The following TIMELESS variants were observed in gnomAD, a reference collection of about 807,000 sequenced individuals.
TIMELESS encodes the protein timeless circadian regulator.
Under a neutral mutation model 164.3 loss-of-function variants are expected in TIMELESS, and 124 were observed. That is an observed-to-expected ratio of 0.75 (90% CI 0.65 to 0.88). The LOEUF is 0.88. TIMELESS is among the 40% of genes least tolerant of loss of function. TIMELESS has a pLI of 0.00. For missense variants in TIMELESS, 1,422 were observed against 1,491.4 expected (o/e 0.95, Z 0.77); for synonymous variants, 564 against 563.4 (o/e 1.00, Z -0.02).
rs752991063 is a variant in TIMELESS, at chr12:56,428,341, C to T, written c.1473G>A (p.Glu491=). Residue 491 remains glutamate (E), a synonymous_variant, in exon 13 of 29, where the codon GAG becomes GAA. Coordinates refer to ENST00000553532, the MANE Select transcript of TIMELESS (RefSeq NM_003920.5). ...GAAGGAAAGAGCGGGGCTGGCATCT[C>T]TCATCAAACTTTCGAAAAAGTGCCA... ...LFLALFRKFD[E]RCQPRSFLRD... is the part of the protein sequence containing the mutation. 1 of 1,613,500 alleles carries T rather than the reference C, an allele frequency of 6.2e-7. No homozygotes were observed. The highest frequency in any genetic ancestry group is 8.5e-7 in the Non-Finnish European group (1 of 1,179,486).
intron 15 of TIMELESS, among the ~76,000 whole-genome samples, chr12:56,424,316 T>C (rs984970682): frequency 2.6e-5 from 4 of 152,242 alleles, no homozygotes; most frequent in Non-Finnish European, 4.4e-5. Flanking sequence ...AAAAAACCTC[T>C]GGATGGTTAC....
intron 1 of TIMELESS, among the ~76,000 whole-genome samples, chr12:56,444,863 G>A (rs921889491): frequency 2.0e-5 from 3 of 151,336 alleles, no homozygotes; most frequent in Admixed American, 6.6e-5. Context: ...GCCTGATTGG[G>A]CAAACTCACC....
chr12:56,430,581 G>T, intron 9 of TIMELESS, among the ~76,000 whole-genome samples: 1 of 151,840 alleles, frequency 6.6e-6, no homozygotes, highest in Admixed American at 6.6e-5. Context: ...TGCCCAGGCT[G>T]GTCTCGAACT....
In TIMELESS at chr12:56,417,468, G is replaced by A. The variant is rs1476750713; in HGVS notation, c.*248C>T. 6.4e-6 allele frequency: 3 copies of A among 469,690 alleles called. No individual in the cohort carries two copies. Among genetic ancestry groups the A allele is most frequent in the Non-Finnish European group, 1.1e-5 (3 of 262,852 alleles). 29.1% of individuals were successfully genotyped at this position (469,690 alleles called of 1,614,324 possible). On this transcript the variant is annotated 3_prime_UTR_variant, in exon 29 of 29. Transcript: ENST00000553532. ...CAATAACCAAAAGAAATGGTTCCTAGAAGAAGAGAACTAAATCTCCAGAGA... is the reference window on the plus strand; with the variant it reads ...CAATAACCAAAAGAAATGGTTCCTAAAAGAAGAGAACTAAATCTCCAGAGA...
chr12:56,421,303 T>G, intron 23 of TIMELESS, 48 bp downstream of exon 23: 1 of 1,601,230 alleles, frequency 6.2e-7, no homozygotes, highest in Non-Finnish European at 8.5e-7. Context: ...TAAGGACCAC[T>G]TCAAGGGAAG....
chr12:56,423,715 C>A lies in TIMELESS; in HGVS notation c.1967-8G>T, dbSNP rs774250480. The A allele has an allele frequency of 9.3e-6, 15 of 1,613,926 alleles. No homozygotes were observed. Among genetic ancestry groups the A allele is most frequent in the Non-Finnish European group, 1.3e-5 (15 of 1,179,982 alleles). On this transcript the variant is annotated splice_region_variant and splice_polypyrimidine_tract_variant and intron_variant, in intron 16 of 28. Coordinates refer to ENST00000553532, the MANE Select transcript of TIMELESS (RefSeq NM_003920.5). Reference sequence around the variant, plus strand: ...CCTCTGGGCCCTGCTGCCCTATAGACAGAGGGAGGATTACTGAGTCTCTGT... The same window carrying A: ...CCTCTGGGCCCTGCTGCCCTATAGAAAGAGGGAGGATTACTGAGTCTCTGT...
chr12:56,423,007 G>T lies in TIMELESS; in HGVS notation c.2293-15C>A. 6.2e-7 allele frequency: 1 copy of T among 1,611,314 alleles called. No homozygotes were observed. Reference sequence around the variant, plus strand: ...GTCACTAGCTCCTGTAGGAGAAGGAGGTTACTATGAGGCCTCTCTGGTCCA... The same window carrying T: ...GTCACTAGCTCCTGTAGGAGAAGGATGTTACTATGAGGCCTCTCTGGTCCA... On this transcript the variant is annotated splice_polypyrimidine_tract_variant and intron_variant, in intron 18 of 28. Coordinates refer to ENST00000553532, the MANE Select transcript of TIMELESS (RefSeq NM_003920.5).
rs1287161410 is a variant in TIMELESS at position 56,423,682 on chromosome 12, C to T, written c.1992G>A (p.Gly664=). The change falls in exon 17 of 29, where the codon GGG becomes GGA. Residue 664 remains glycine, a synonymous_variant. Coordinates refer to ENST00000553532, the MANE Select transcript of TIMELESS (RefSeq NM_003920.5). The part of the protein sequence containing the change: ...LPRQQGPEER[G]AEEEEEEEEE... ...CCTCCTCCTCTTCTTCTTCCTCTGCCCCACGTTCCTCTGGGCCCTGCTGCC... is the reference window on the plus strand; with the variant it reads ...CCTCCTCCTCTTCTTCTTCCTCTGCTCCACGTTCCTCTGGGCCCTGCTGCC... 1 of 1,613,970 alleles carries T rather than the reference C, an allele frequency of 6.2e-7. No homozygotes were observed. The highest frequency in any genetic ancestry group is 8.5e-7 in the Non-Finnish European group (1 of 1,179,934).
At chr12:56,428,793 C>A in intron 11 of TIMELESS, 90 bp downstream of exon 11, 1 of 1,508,030 alleles carries the variant, frequency 6.6e-7, no homozygotes, top group Non-Finnish European at 9.1e-7. Context: ...AGACTGATCA[C>A]CTGAACCCTG....
chr12:56,444,474 TA>T (rs1222764251), intron 1 of TIMELESS, among the ~76,000 whole-genome samples: 1 of 152,196 alleles, frequency 6.6e-6, no homozygotes, highest in African/African-American at 2.4e-5. Flanking sequence ...TCCTGTCCCT[TA>T]GTTGGTTATT....
chr12:56,434,007 T>G, intron 2 of TIMELESS, 67 bp downstream of exon 2: 2 of 1,612,372 alleles, frequency 1.2e-6, no homozygotes, highest in Non-Finnish European at 1.7e-6. Flanking sequence ...ACCCATGGTT[T>G]GAGGAATTCA....
rs770882147 is a variant in TIMELESS at position 56,433,138 on chromosome 12, G to A, written c.430-11C>T. ...CCGTTCCTCCCAGCCCTAACCAGAA[G>A]AGAGTAAGAGGAAGAGACTCCCTGT... On this transcript the variant is annotated splice_polypyrimidine_tract_variant and intron_variant, in intron 5 of 28. Coordinates refer to ENST00000553532, the MANE Select transcript of TIMELESS (RefSeq NM_003920.5). The A allele has an allele frequency of 5.0e-6, 8 of 1,613,436 alleles. No individual in the cohort carries two copies. The highest frequency in any genetic ancestry group is 1.6e-4 in the Middle Eastern group (1 of 6,062).
chr12:56,447,187 T>G (rs985312415), intron 1 of TIMELESS, among the ~76,000 whole-genome samples: 465 of 39,680 alleles, frequency 0.012, 9 homozygotes, highest in African/African-American at 0.084. Context: ...TTTTTGTTTT[T>G]TTTTTTTTTT....
chr12:56,440,133 C>CTT (rs33978004), intron 1 of TIMELESS, among the ~76,000 whole-genome samples: 124 of 87,650 alleles, frequency 1.4e-3, no homozygotes, highest in African/African-American at 3.3e-3. Flanking sequence ...TCAAATTAAC[C>CTT]TTTTTTTTTT....
At chr12:56,429,365 A>G (rs1881791405) in intron 10 of TIMELESS, among the ~76,000 whole-genome samples, 2 of 150,790 alleles carry the variant, frequency 1.3e-5, no homozygotes, top group South Asian at 4.2e-4. Flanking sequence ...CGCCCAGTTA[A>G]TTTTTTGTAT....
intron 1 of TIMELESS, among the ~76,000 whole-genome samples, chr12:56,434,836 G>T (rs7977477): frequency 0.55 from 83,787 of 151,992 alleles, 23,875 homozygotes; most frequent in African/African-American, 0.64. Context: ...ATGATCATTT[G>T]CCCCAGTGTT....
intron 21 of TIMELESS, 34 bp from the exon 22 acceptor site, chr12:56,421,843 C>G (rs1881502466): frequency 1.2e-6 from 2 of 1,613,508 alleles, no homozygotes; most frequent in African/African-American, 2.7e-5. Context: ...AGAGGAAGCC[C>G]AGGAAGTGAT....
At chr12:56,428,195 C>T (rs558710712) in intron 13 of TIMELESS, 41 bp downstream of exon 13, 4 of 1,528,142 alleles carry the variant, frequency 2.6e-6, no homozygotes, top group East Asian at 4.5e-5. Flanking sequence ...TTCCTTGACT[C>T]TCCCTTACAG....
At chr12:56,427,247 C>G (rs1181323501) in intron 13 of TIMELESS, among the ~76,000 whole-genome samples, 4 of 152,106 alleles carry the variant, frequency 2.6e-5, no homozygotes, top group African/African-American at 9.7e-5. Flanking sequence ...CTCAGCTTCC[C>G]AAATAGCTGG....
Sources: gnomAD v4.1 joint callset for allele counts (sites outside exome capture counted in the v4.1 genomes callset) on GRCh38, gnomAD v4.1.1 for gene constraint, MANE v1.5 for transcripts, NCBI Gene and HGNC (gene_info 2026-07-23, HGNC 2026-07-21) for gene names.